Variants in LINGO2 observed in about 807,000 individuals in gnomAD.
LINGO2 encodes the protein leucine-rich repeat and immunoglobulin-like domain-containing nogo receptor-interacting protein 2.
Under a neutral mutation model 30.6 loss-of-function variants are expected in LINGO2, and 14 were observed. The ratio of observed to expected loss-of-function variants is 0.46; its 90% CI spans 0.30 to 0.72. The LOEUF is 0.72. LINGO2 is among the 30% of genes least tolerant of loss of function. The probability of loss-of-function intolerance (pLI) is 0.07; values close to 1 mark genes in which losing one functional copy is unlikely to be tolerated. For missense variants in LINGO2, 729 were observed against 751.7 expected (o/e 0.97, Z 0.35); for synonymous variants, 317 against 288.5 (o/e 1.10, Z -1.00).
the LINGO2 span, among the ~76,000 whole-genome samples, chr9:28,871,586 A>G: frequency 1.3e-5 from 2 of 151,986 alleles, no homozygotes; most frequent in African/African-American, 4.8e-5. Flanking sequence ...TATTAAGCTT[A>G]GGAACACTGT....
At chr9:28,191,565 C>G (rs1346570956) in intron 4 of LINGO2, among the ~76,000 whole-genome samples, 1 of 152,092 alleles carries the variant, frequency 6.6e-6, no homozygotes, top group Non-Finnish European at 1.5e-5. Context: ...CCCTCTTAAC[C>G]CCCTTTCTTC....
the LINGO2 span, among the ~76,000 whole-genome samples, chr9:29,014,809 A>C: frequency 6.6e-6 from 1 of 152,280 alleles, no homozygotes; most frequent in East Asian, 1.9e-4. Flanking sequence ...ATATGGGTGA[A>C]TAGTATGAAT....
chr9:28,551,608 A>C (rs1053162878), intron 1 of LINGO2, among the ~76,000 whole-genome samples: 1 of 152,040 alleles, frequency 6.6e-6, no homozygotes, highest in Non-Finnish European at 1.5e-5. Flanking sequence ...CTCTTATTAC[A>C]TACTTTTTCC....
intron 4 of LINGO2, among the ~76,000 whole-genome samples, chr9:28,074,804 A>G (rs1379507572): frequency 6.6e-6 from 1 of 152,160 alleles, no homozygotes; most frequent in East Asian, 1.9e-4. Flanking sequence ...AAGAAGATTT[A>G]TAATGCATTA....
At chr9:28,965,007 T>C in the LINGO2 span, among the ~76,000 whole-genome samples, 3 of 151,750 alleles carry the variant, frequency 2.0e-5, no homozygotes, top group South Asian at 6.2e-4. Flanking sequence ...AAATAGAAGA[T>C]AAGAGAATAA....
intron 2 of LINGO2, among the ~76,000 whole-genome samples, chr9:28,451,550 C>T (rs976162562): frequency 6.6e-6 from 1 of 151,668 alleles, no homozygotes; most frequent in Admixed American, 6.6e-5. Flanking sequence ...TATCTTGCCA[C>T]AAATTGGGTT....
At chr9:29,091,958 A>G in the LINGO2 span, among the ~76,000 whole-genome samples, 1 of 152,058 alleles carries the variant, frequency 6.6e-6, no homozygotes, top group Admixed American at 6.6e-5. Context: ...GCAACTGATT[A>G]TATGTGGTCC....
chr9:28,220,544 G>T (rs1486643014), intron 4 of LINGO2, among the ~76,000 whole-genome samples: 1 of 152,076 alleles, frequency 6.6e-6, no homozygotes, highest in Non-Finnish European at 1.5e-5. Context: ...TTGACTAAAG[G>T]CTCTGAATAC....
the LINGO2 span, among the ~76,000 whole-genome samples, chr9:28,730,076 G>A: frequency 1.3e-5 from 2 of 152,020 alleles, no homozygotes; most frequent in Non-Finnish European, 2.9e-5. Flanking sequence ...AATTAAATGT[G>A]AAGATAAGAA....
chr9:29,177,794 T>C, the LINGO2 span, among the ~76,000 whole-genome samples: 1 of 152,140 alleles, frequency 6.6e-6, no homozygotes, highest in African/African-American at 2.4e-5. Flanking sequence ...ATGAATATAG[T>C]GTCAGTATCA....
chr9:28,182,648 G>T (rs1819394222), intron 4 of LINGO2, among the ~76,000 whole-genome samples: 1 of 152,030 alleles, frequency 6.6e-6, no homozygotes, highest in Non-Finnish European at 1.5e-5. Context: ...GTGGGCAAAG[G>T]ATATGAACAG....
At chr9:27,993,271 G>C (rs925359562) in intron 5 of LINGO2, among the ~76,000 whole-genome samples, 4 of 151,884 alleles carry the variant, frequency 2.6e-5, no homozygotes, top group Admixed American at 2.6e-4. Flanking sequence ...TTCTTTCTTT[G>C]TTGAGGTAAT....
the LINGO2 span, among the ~76,000 whole-genome samples, chr9:28,718,412 G>A: frequency 4.6e-5 from 7 of 151,918 alleles, 1 homozygote; most frequent in South Asian, 1.5e-3. Flanking sequence ...ACAACCTCTT[G>A]CTTTTATCTT....
At chr9:28,328,619 T>G (rs998158533) in intron 3 of LINGO2, among the ~76,000 whole-genome samples, 12 of 151,088 alleles carry the variant, frequency 7.9e-5, no homozygotes, top group African/African-American at 2.7e-4. Flanking sequence ...ATCTTGGGAA[T>G]GGCATAAAAC....
intron 4 of LINGO2, among the ~76,000 whole-genome samples, chr9:28,108,286 G>C (rs762873818): frequency 1.3e-5 from 2 of 152,148 alleles, no homozygotes; most frequent in East Asian, 1.9e-4. Context: ...GGAGGAAAGA[G>C]GTGTGAGCTA....
At chr9:27,940,875 G>T in the LINGO2 span, 1 of 152,134 alleles carries the variant, frequency 6.6e-6, no homozygotes, top group East Asian at 1.9e-4. Context: ...CATTGTTTAA[G>T]TACAAGTTCT....
At chr9:28,360,378 A>G (rs1820394476) in intron 3 of LINGO2, among the ~76,000 whole-genome samples, 1 of 152,194 alleles carries the variant, frequency 6.6e-6, no homozygotes, top group African/African-American at 2.4e-5. Context: ...TATACCTGCA[A>G]AGTATAATTT....
intron 2 of LINGO2, among the ~76,000 whole-genome samples, chr9:28,454,623 G>A (rs978077672): frequency 6.6e-6 from 1 of 151,838 alleles, no homozygotes; most frequent in Non-Finnish European, 1.5e-5. Context: ...ATTCTGTACT[G>A]TATAAGTTTT....
the LINGO2 span, among the ~76,000 whole-genome samples, chr9:29,006,513 T>C: frequency 2.6e-4 from 40 of 152,010 alleles, no homozygotes; most frequent in African/African-American, 8.9e-4. Context: ...TTATCAGTAA[T>C]GCTTCACAGA....
Sources: gnomAD v4.1 joint callset for allele counts (sites outside exome capture counted in the v4.1 genomes callset) on GRCh38, gnomAD v4.1.1 for gene constraint, MANE v1.5 for transcripts, NCBI Gene and HGNC (gene_info 2026-07-23, HGNC 2026-07-21) for gene names.